The following TBC1D24 variants were observed in gnomAD, a reference collection of about 807,000 sequenced individuals.
TBC1D24 encodes TBC1 domain family member 24, also known as Infantile myoclonic epilepsy.
In TBC1D24, 47 loss-of-function variants were observed where a neutral mutation model predicts 50.7. The ratio of observed to expected loss-of-function variants is 0.93; its 90% CI spans 0.73 to 1.18. TBC1D24 has a LOEUF of 1.18. Ranked by LOEUF, TBC1D24 falls within the 50% of genes most tolerant of loss-of-function variation. The pLI is 0.00. For missense variants in TBC1D24, 688 were observed against 766.5 expected (o/e 0.90, Z 1.21); for synonymous variants, 324 against 335.2 (o/e 0.97, Z 0.36).
At position 2,475,588 on chromosome 16, in the gene TBC1D24, ACCTGCAGCGGCCCCGGGC is replaced by A. The variant is rs2065560373; in HGVS notation, c.-116+421_-116+438del. On this transcript the variant is annotated intron_variant, in intron 1 of 7. Transcript: ENST00000646147. The surrounding 1 kb of genome is among the most constrained non-coding windows in gnomAD (Gnocchi z 4.2). ...GATTCTGATACGCCCTGCCCTGTGGACCTGCAGCGGCCCCGGGCCCCGCCCCGCCCCGCCCAGGGATGA... is the reference window on the plus strand; with the variant it reads ...GATTCTGATACGCCCTGCCCTGTGGACCCGCCCCGCCCCGCCCAGGGATGA... Among the ~76,000 whole-genome samples, 1 of 151,768 alleles carries A rather than the reference ACCTGCAGCGGCCCCGGGC, an allele frequency of 6.6e-6. No individual in the cohort carries two copies. Among genetic ancestry groups the A allele is most frequent in the Non-Finnish European group, 1.5e-5 (1 of 67,896 alleles).
Position 2,496,941 on chromosome 16 carries a change from G to A in TBC1D24, c.793G>A (p.Val265Met), listed in dbSNP as rs772768393. 6.2e-5 allele frequency: 100 copies of A among 1,613,924 alleles called. No homozygotes were observed. Among genetic ancestry groups the A allele is most frequent in the Non-Finnish European group, 7.9e-5 (93 of 1,180,048 alleles). Reference sequence around the variant, plus strand: ...CGGGCAGCCGCTGGAGTCGGACAGCGTGAAGCAGGACATCCGCACGTTCGT... The same window carrying A: ...CGGGCAGCCGCTGGAGTCGGACAGCATGAAGCAGGACATCCGCACGTTCGT... ...RAGQPLESDS[V>M]KQDIRTFVRD... is the part of the protein sequence containing the mutation. The change falls in exon 2 of 8, where the codon GTG becomes ATG. Residue 265 changes from valine (V) to methionine (M), a missense_variant. Coordinates refer to ENST00000646147, the MANE Select transcript of TBC1D24 (RefSeq NM_001199107.2).
rs1031658668 is a variant in TBC1D24 at position 2,501,337 on chromosome 16, T to C, written c.*379T>C. On this transcript the variant is annotated 3_prime_UTR_variant, in exon 8 of 8. Transcript: ENST00000646147. ...CCCTGGGGTGGGAGTACAACGGCAG[T>C]GGGAACGTGCAGCTAAGGGTGGGCC... 6 of 288,594 alleles carry C rather than the reference T, an allele frequency of 2.1e-5. No homozygotes were observed. The highest frequency in any genetic ancestry group is 1.2e-4 in the South Asian group (3 of 24,814). 17.9% of individuals were successfully genotyped at this position (288,594 alleles called of 1,614,324 possible). A position where few individuals can be genotyped will look rare whatever the true frequency, so the allele number is the denominator to read the frequency against.
rs1001264594 is a variant in TBC1D24, at chr16:2,499,170, C to T, written c.1143-187C>T. On this transcript the variant is annotated intron_variant, in intron 4 of 7. Transcript: ENST00000646147. This position sits in a 1 kb window ranked among gnomAD's most constrained non-coding sequence, Gnocchi z 4.0. ...CTCCCCTGAGTCACACCAGGGCAGGCTGTCCTGGGGATGGCAGAGAAGGGC... is the reference window on the plus strand; with the variant it reads ...CTCCCCTGAGTCACACCAGGGCAGGTTGTCCTGGGGATGGCAGAGAAGGGC... Among the ~76,000 whole-genome samples, 1 of 152,188 alleles carries T rather than the reference C, an allele frequency of 6.6e-6. No homozygotes were observed. The highest frequency in any genetic ancestry group is 2.4e-5 in the African/African-American group (1 of 41,450).
Position 2,496,605 on chromosome 16 carries a change from G to T in TBC1D24, c.457G>T (p.Glu153Ter), listed in dbSNP as rs376712059. Reference protein sequence around the residue: ...HYSIDEAECFEKACRILACND... With the variant: ...HYSIDEAECF ...CAGCATCGACGAGGCCGAGTGCTTC[G>T]AGAAGGCCTGCCGCATCCTGGCCTG... The change falls in exon 2 of 8, where the codon GAG becomes TAG. Residue 153 changes from glutamate to a stop codon, truncating the protein, a stop_gained. Coordinates refer to ENST00000646147, the MANE Select transcript of TBC1D24 (RefSeq NM_001199107.2). LOFTEE classifies it high-confidence loss of function. 1.2e-6 allele frequency: 2 copies of T among 1,610,534 alleles called. No homozygotes were observed. Among genetic ancestry groups the T allele is most frequent in the Admixed American group, 1.7e-5 (1 of 60,020 alleles).
chr16:2,491,362 GTATT>G (rs2141865075), intron 1 of TBC1D24, among the ~76,000 whole-genome samples: 1 of 151,556 alleles, frequency 6.6e-6, no homozygotes, highest in African/African-American at 2.4e-5. Context: ...TTTTATTTAT[GTATT>G]TATTTTTTAT....
rs2065784495 is a variant in TBC1D24 at position 2,500,556 on chromosome 16, C to T, written c.1525+66C>T. On this transcript the variant is annotated intron_variant, in intron 7 of 7. Coordinates refer to ENST00000646147, the MANE Select transcript of TBC1D24 (RefSeq NM_001199107.2). This position sits in a 1 kb window ranked among gnomAD's most constrained non-coding sequence, Gnocchi z 8.0. The stretch of plus-strand genomic sequence containing the variant: ...GTCCGGGCAGCTGAAGCTGCTGCAC[C>T]CAGCCCTCCCTGACCGGGGTGGCAG... The T allele has an allele frequency of 3.4e-6, 5 of 1,481,554 alleles. No homozygotes were observed. The highest frequency in any genetic ancestry group is 2.5e-5 in the East Asian group (1 of 40,480). The allele number at this position is 1,481,554 out of a possible 1,614,324, so 91.8% of individuals were successfully genotyped here. A position where few individuals can be genotyped will look rare whatever the true frequency, so the allele number is the denominator to read the frequency against.
rs2065652609 is a variant in TBC1D24 at position 2,486,579 on chromosome 16, G to T, written c.-115-9455G>T. Among the ~76,000 whole-genome samples the T allele has an allele frequency of 6.6e-6, 1 of 152,214 alleles. No individual in the cohort carries two copies. The highest frequency in any genetic ancestry group is 1.5e-5 in the Non-Finnish European group (1 of 68,032). On this transcript the variant is annotated intron_variant, in intron 1 of 7. Coordinates refer to ENST00000646147, the MANE Select transcript of TBC1D24 (RefSeq NM_001199107.2). This position sits in a 1 kb window ranked among gnomAD's most constrained non-coding sequence, Gnocchi z 5.8. ...CCCAGCTCTTCAACCTGGAGTCCTA[G>T]CGAACACTGACCTACGTTGGGACAG...
rs4075481 is a variant in TBC1D24, at chr16:2,501,690, A to G, written c.*732A>G. The G allele has an allele frequency of 0.02, 3,051 of 152,662 alleles. 111 individuals are homozygous for G. Among genetic ancestry groups the G allele is most frequent in the African/African-American group, 0.069 (2,870 of 41,518 alleles). 9.5% of individuals were successfully genotyped at this position (152,662 alleles called of 1,614,324 possible). A position where few individuals can be genotyped will look rare whatever the true frequency, so the allele number is the denominator to read the frequency against. ...GGTGGGAGCTGGAGGGGGATGTCAC[A>G]TGTCCTTGTGTTTCTGCAGAGCCTG... On this transcript the variant is annotated 3_prime_UTR_variant, in exon 8 of 8. Coordinates refer to ENST00000646147, the MANE Select transcript of TBC1D24 (RefSeq NM_001199107.2).
intron 1 of TBC1D24, among the ~76,000 whole-genome samples, chr16:2,490,204 G>A (rs773456948): frequency 6.6e-6 from 1 of 152,202 alleles, no homozygotes. Context: ...TGTGAGTCTC[G>A]TGGGTGTCAG....
Position 2,500,663 on chromosome 16 carries a change from G to A in TBC1D24, c.1526-141G>A. 1 of 1,343,876 alleles carries A rather than the reference G, an allele frequency of 7.4e-7. No homozygotes were observed. Among genetic ancestry groups the A allele is most frequent in the Non-Finnish European group, 1.0e-6 (1 of 995,850 alleles). 83.2% of individuals were successfully genotyped at this position (1,343,876 alleles called of 1,614,324 possible). ...AGGGAGAGACCAGCCTGGACAGCTG[G>A]TCCTGGGGGCTATGGAGGGTCAACG... On this transcript the variant is annotated intron_variant, in intron 7 of 7. Coordinates refer to ENST00000646147, the MANE Select transcript of TBC1D24 (RefSeq NM_001199107.2). The surrounding 1 kb of genome is among the most constrained non-coding windows in gnomAD (Gnocchi z 8.0).
chr16:2,496,329 G>A lies in TBC1D24; in HGVS notation c.181G>A (p.Asp61Asn). ...RGKVYQRLIR[D>N]IPCRTVTPDA... is the part of the protein sequence containing the mutation. ...AAAGGTGTACCAGCGCCTGATCCGG[G>A]ACATTCCCTGCCGCACGGTCACGCC... Residue 61 changes from aspartate (D) to asparagine (N), a missense_variant, in exon 2 of 8, where the codon GAC (aspartate) becomes AAC (asparagine). Asp to Asn is a conservative substitution (Grantham distance 23). Coordinates refer to ENST00000646147, the MANE Select transcript of TBC1D24 (RefSeq NM_001199107.2). The A allele has an allele frequency of 6.2e-7, 1 of 1,613,590 alleles. No individual in the cohort carries two copies. The highest frequency in any genetic ancestry group is 1.1e-5 in the South Asian group (1 of 91,086).
At position 2,499,556 on chromosome 16, in the gene TBC1D24, C is replaced by T. The variant is rs1262370117; in HGVS notation, c.1206+136C>T. On this transcript the variant is annotated intron_variant, in intron 5 of 7. Coordinates refer to ENST00000646147, the MANE Select transcript of TBC1D24 (RefSeq NM_001199107.2). The surrounding 1 kb of genome is among the most constrained non-coding windows in gnomAD (Gnocchi z 4.0). Reference sequence around the variant, plus strand: ...ATCCAGAGTCAGAGCGTGGGTATGGCCAGCACATGGGGCTCATCCCACACT... The same window carrying T: ...ATCCAGAGTCAGAGCGTGGGTATGGTCAGCACATGGGGCTCATCCCACACT... The T allele has an allele frequency of 1.2e-6, 1 of 823,792 alleles. No homozygotes were observed. The highest frequency in any genetic ancestry group is 2.0e-6 in the Non-Finnish European group (1 of 493,858). 51.0% of individuals were successfully genotyped at this position (823,792 alleles called of 1,614,324 possible). A position where few individuals can be genotyped will look rare whatever the true frequency, so the allele number is the denominator to read the frequency against.
At chr16:2,490,495 C>G (rs895418581) in intron 1 of TBC1D24, among the ~76,000 whole-genome samples, 1 of 152,192 alleles carries the variant, frequency 6.6e-6, no homozygotes. Flanking sequence ...ACAGGAGGCA[C>G]CCTCACAGGG....
chr16:2,489,994 TC>T (rs1267473454), intron 1 of TBC1D24, among the ~76,000 whole-genome samples: 2 of 152,192 alleles, frequency 1.3e-5, no homozygotes. Context: ...AGCCTGTTCC[TC>T]CCTCAGCCTT....
In TBC1D24 at chr16:2,482,054, C is replaced by A. The variant is rs1373972403; in HGVS notation, c.-116+6884C>A. The A allele has an allele frequency of 6.6e-6, 1 of 152,278 alleles. No individual in the cohort carries two copies. The highest frequency in any genetic ancestry group is 2.4e-5 in the African/African-American group (1 of 41,476). The allele number at this position is 152,278 out of a possible 1,614,324, so 9.4% of individuals were successfully genotyped here. On this transcript the variant is annotated intron_variant, in intron 1 of 7. Coordinates refer to ENST00000646147, the MANE Select transcript of TBC1D24 (RefSeq NM_001199107.2). This position sits in a 1 kb window ranked among gnomAD's most constrained non-coding sequence, Gnocchi z 5.2. ...GTGCTCTGCTTCAGGCTGAGGCAGGCACCCCTTACCTTCCTGTTATGTGAA... is the reference window on the plus strand; with the variant it reads ...GTGCTCTGCTTCAGGCTGAGGCAGGAACCCCTTACCTTCCTGTTATGTGAA...
At position 2,501,075 on chromosome 16, in the gene TBC1D24, A is replaced by G. The variant is rs1002176545; in HGVS notation, c.*117A>G. 24 of 1,369,666 alleles carry G rather than the reference A, an allele frequency of 1.8e-5. No homozygotes were observed. The highest frequency in any genetic ancestry group is 2.4e-5 in the Non-Finnish European group (24 of 1,000,334). 84.8% of individuals were successfully genotyped at this position (1,369,666 alleles called of 1,614,324 possible). On this transcript the variant is annotated 3_prime_UTR_variant, in exon 8 of 8. Coordinates refer to ENST00000646147, the MANE Select transcript of TBC1D24 (RefSeq NM_001199107.2). ...GTGGTAGGCAGGGTTGGGGGACGGC[A>G]GGACCCCATGGCCAAGCCTGGCGTT... is the stretch of plus-strand genomic sequence containing the variant.
chr16:2,489,094 A>T (rs2065675522), intron 1 of TBC1D24, among the ~76,000 whole-genome samples: 1 of 149,944 alleles, frequency 6.7e-6, no homozygotes, highest in Non-Finnish European at 1.5e-5. Flanking sequence ...ACAAGAAAGA[A>T]ATATTTGCTT....
Position 2,486,743 on chromosome 16 carries a change from T to A in TBC1D24, c.-115-9291T>A, listed in dbSNP as rs2065653751. Among the ~76,000 whole-genome samples, 1 of 152,190 alleles carries A rather than the reference T, an allele frequency of 6.6e-6. No homozygotes were observed. The highest frequency in any genetic ancestry group is 2.4e-5 in the African/African-American group (1 of 41,456). ...TGCTCTGGCATTTGCCTAAGAAGCA[T>A]CTGTATCGAAACTGGCTTTGAAAAC... is the stretch of plus-strand genomic sequence containing the variant. On this transcript the variant is annotated intron_variant, in intron 1 of 7. Coordinates refer to ENST00000646147, the MANE Select transcript of TBC1D24 (RefSeq NM_001199107.2). This position sits in a 1 kb window ranked among gnomAD's most constrained non-coding sequence, Gnocchi z 5.8.
chr16:2,484,681 C>T (rs909524421), intron 1 of TBC1D24: 6 of 152,366 alleles, frequency 3.9e-5, no homozygotes, highest in Non-Finnish European at 7.3e-5. Context: ...GGCTCTCTTC[C>T]GTCGTGGTCC....
Sources: gnomAD v4.1 joint callset for allele counts (sites outside exome capture counted in the v4.1 genomes callset) on GRCh38, gnomAD v4.1.1 for gene constraint, Gnocchi (gnomAD v3.1) non-coding constraint, MANE v1.5 for transcripts, NCBI Gene and HGNC (gene_info 2026-07-23, HGNC 2026-07-21) for gene names.